Variants in MTOR observed in about 807,000 individuals in gnomAD.
MTOR encodes the protein mechanistic target of rapamycin kinase.
Under a neutral mutation model 319.8 loss-of-function variants are expected in MTOR, and 70 were observed. That is an observed-to-expected ratio of 0.22 (90% CI 0.18 to 0.27). MTOR has a LOEUF of 0.27. Among genes scored for constraint, MTOR ranks in the 10% least tolerant of loss-of-function variants. MTOR has a pLI of 1.00. For synonymous variants in MTOR, 1,183 were observed against 1,211.4 expected (o/e 0.98, Z 0.49); for missense variants, 1,890 against 3,274.4 (o/e 0.58, Z 10.32).
chr1:11,194,395 G>GGGGTAT, intron 28 of MTOR: 3 of 1,464,690 alleles, frequency 2.0e-6, no homozygotes. Context: ...CAGGAGAGAA[G>GGGGTAT]GGGTATAGAG....
chr1:11,172,653 G>T lies in MTOR; in HGVS notation c.4254-5136C>A, dbSNP rs186369289. 7.7e-3 allele frequency among the ~76,000 whole-genome samples: 1,159 copies of T among 151,302 alleles called. 15 individuals carry two copies. Among genetic ancestry groups the T allele is most frequent in the African/African-American group, 0.024 (977 of 41,210 alleles). ...TGGGAGGCCGAGGTGGGCGGATCAC[G>T]AGGTCAGGAGTTCGAGACCAGCCTG... On this transcript the variant is annotated intron_variant, in intron 28 of 57. Coordinates refer to ENST00000361445, the MANE Select transcript of MTOR (RefSeq NM_004958.4).
intron 28 of MTOR, among the ~76,000 whole-genome samples, chr1:11,176,808 A>C (rs1466243467): frequency 1.3e-5 from 2 of 152,172 alleles, no homozygotes; most frequent in East Asian, 3.8e-4. Flanking sequence ...TTAACAACCA[A>C]ATAGTCTGAT....
intron 24 of MTOR, 55 bp downstream of exon 24, chr1:11,210,759 A>G: frequency 7.6e-7 from 1 of 1,323,298 alleles, no homozygotes; most frequent in East Asian, 2.3e-5. Flanking sequence ...GATTACAAGA[A>G]TATCAAGTAG....
intron 28 of MTOR, among the ~76,000 whole-genome samples, chr1:11,194,081 T>C (rs970977218): frequency 5.9e-5 from 9 of 152,162 alleles, no homozygotes; most frequent in Non-Finnish European, 7.4e-5. Flanking sequence ...CATGAGGTCC[T>C]TTAGGTGCAA....
chr1:11,207,249 GCAC>G (rs1646164782), intron 25 of MTOR, among the ~76,000 whole-genome samples: 1 of 151,956 alleles, frequency 6.6e-6, no homozygotes, highest in Non-Finnish European at 1.5e-5. Context: ...CTACAGGCAT[GCAC>G]CACCATGTCC....
chr1:11,164,599 A>C (rs181224038), intron 29 of MTOR, among the ~76,000 whole-genome samples: 252 of 152,302 alleles, frequency 1.7e-3, no homozygotes, highest in Non-Finnish European at 2.8e-3. Flanking sequence ...TGAGGCAATA[A>C]TTAATAGCCT....
chr1:11,209,227 T>C (rs1056526365), intron 25 of MTOR, 85 bp downstream of exon 25: 83 of 1,536,824 alleles, frequency 5.4e-5, no homozygotes, highest in Non-Finnish European at 7.0e-5. Flanking sequence ...TGGTTTTCGG[T>C]TGCCCAGTTT....
intron 19 of MTOR, chr1:11,226,501 T>C (rs1646843015): frequency 6.6e-6 from 1 of 152,196 alleles, no homozygotes; most frequent in Non-Finnish European, 1.5e-5. Flanking sequence ...CTAATTAACA[T>C]GGAAGTAGGC....
At chr1:11,187,179 T>C (rs1645347403) in intron 28 of MTOR, among the ~76,000 whole-genome samples, 1 of 152,170 alleles carries the variant, frequency 6.6e-6, no homozygotes, top group Non-Finnish European at 1.5e-5. Flanking sequence ...AAAGTTCCAC[T>C]GTTCTTTTGT....
chr1:11,148,598 C>G (rs1358514284), intron 31 of MTOR, among the ~76,000 whole-genome samples: 1 of 152,068 alleles, frequency 6.6e-6, no homozygotes, highest in African/African-American at 2.4e-5. Context: ...CTCCTCATCT[C>G]TCTTTAAAAC....
intron 28 of MTOR, chr1:11,189,645 C>G: frequency 6.2e-7 from 1 of 1,614,144 alleles, no homozygotes; most frequent in Non-Finnish European, 8.5e-7. Context: ...TTGTCAGCCA[C>G]CCAGCGTGGC....
intron 54 of MTOR, among the ~76,000 whole-genome samples, chr1:11,111,992 C>CA (rs1348370759): frequency 6.6e-6 from 1 of 151,946 alleles, no homozygotes; most frequent in Non-Finnish European, 1.5e-5. Context: ...AAAAACCCCC[C>CA]AAAACCAGTA....
At chr1:11,132,031 A>C (rs958728216) in intron 38 of MTOR, 4 of 152,238 alleles carry the variant, frequency 2.6e-5, no homozygotes, top group Non-Finnish European at 5.9e-5. Flanking sequence ...GGTCAAGGTG[A>C]ACAAGACAAA....
intron 53 of MTOR, among the ~76,000 whole-genome samples, chr1:11,113,331 T>C (rs1020640078): frequency 2.0e-5 from 3 of 152,144 alleles, no homozygotes; most frequent in African/African-American, 7.2e-5. Flanking sequence ...ACTAGGATAC[T>C]TGGTTAATAC....
intron 19 of MTOR, among the ~76,000 whole-genome samples, chr1:11,222,189 AT>A (rs200151601): frequency 6.8e-6 from 1 of 146,762 alleles, no homozygotes; most frequent in African/African-American, 2.6e-5. Flanking sequence ...TTTAAAATTT[AT>A]TTAAAAAAAA....
rs199569676 is a variant in MTOR, at chr1:11,157,169, G to C, written c.4452C>G (p.Leu1484=). The change falls in exon 30 of 58, where the codon CTC becomes CTG. Residue 1484 remains leucine (L), a synonymous_variant. Transcript: ENST00000361445. ...PELMLGRMRC[L]EALGEWGQLH... ...AAGCTCACCATTCCCCCAAGGCCTCGAGGCAGCGCATGCGGCCCAGCATCA... is the reference window on the plus strand; with the variant it reads ...AAGCTCACCATTCCCCCAAGGCCTCCAGGCAGCGCATGCGGCCCAGCATCA... 3.1e-6 allele frequency: 5 copies of C among 1,609,910 alleles called. No homozygotes were observed. Among genetic ancestry groups the C allele is most frequent in the Non-Finnish European group, 4.2e-6 (5 of 1,178,038 alleles).
Position 11,237,890 on chromosome 1 carries a change from T to C in MTOR, c.2161A>G (p.Met721Val). 6 of 1,614,162 alleles carry C rather than the reference T, an allele frequency of 3.7e-6. No homozygotes were observed. The highest frequency in any genetic ancestry group is 5.1e-6 in the Non-Finnish European group (6 of 1,180,044). ...AICTVGRLSS[M>V]NPAFVMPFLR... ...AAAGGCATGACAAAGGCAGGGTTCA[T>C]GCTACTGAGTCGGCCCACAGTGCAG... Residue 721 changes from methionine (M) to valine (V), a missense_variant, in exon 13 of 58, where the codon ATG becomes GTG. Met to Val is a conservative substitution (Grantham distance 21, BLOSUM62 1). Around this residue, in one of 15 missense-constraint regions of MTOR, gnomAD observed 377 missense variants for 653.9 expected, o/e 0.58. Coordinates refer to ENST00000361445, the MANE Select transcript of MTOR (RefSeq NM_004958.4).
chr1:11,246,979 C>A (rs1466389348), intron 8 of MTOR, among the ~76,000 whole-genome samples: 3 of 152,082 alleles, frequency 2.0e-5, no homozygotes, highest in Admixed American at 6.6e-5. Context: ...TCTTGGGAGG[C>A]AGAGATTGTT....
intron 54 of MTOR, chr1:11,111,251 G>C: frequency 6.9e-6 from 3 of 433,778 alleles, no homozygotes; most frequent in Non-Finnish European, 1.4e-5. Context: ...GGCCGAGGCG[G>C]GCAGATCACT....
Sources: allele counts gnomAD v4.1 joint callset (sites outside exome capture counted in the v4.1 genomes callset), GRCh38; gene constraint gnomAD v4.1.1; regional missense constraint gnomAD v4.1.1; transcripts MANE v1.5; gene names NCBI Gene and HGNC (gene_info 2026-07-23, HGNC 2026-07-21).